The following MACROD2 variants were observed in gnomAD, a reference collection of about 807,000 sequenced individuals.
MACROD2 encodes mono-ADP ribosylhydrolase 2, also known as ADP-ribose glycohydrolase MACROD2.
A neutral mutation model predicts 70.4 loss-of-function variants in MACROD2; 36 were observed. The observed-to-expected ratio is 0.51, with a 90% confidence interval of 0.39 to 0.68. MACROD2 has a LOEUF of 0.68. Among genes scored for constraint, MACROD2 ranks in the 30% least tolerant of loss-of-function variants. The pLI is 0.00. For missense variants in MACROD2, 496 were observed against 538.4 expected, an observed-to-expected ratio of 0.92 and a Z score of 0.78; for synonymous variants, 172 against 178.8, an observed-to-expected ratio of 0.96 and a Z score of 0.30.
At chr20:16,002,103 T>G (rs2066717545) in intron 15 of MACROD2, among the ~76,000 whole-genome samples, 1 of 151,960 alleles carries the variant, frequency 6.6e-6, no homozygotes, top group African/African-American at 2.4e-5. Context: ...ATCTCCAAAG[T>G]CTACCTGTTT....
intron 8 of MACROD2, among the ~76,000 whole-genome samples, chr20:15,547,046 G>A (rs2048034967): frequency 6.6e-6 from 1 of 152,036 alleles, no homozygotes; most frequent in Non-Finnish European, 1.5e-5. Flanking sequence ...CTGTTGAATC[G>A]GAACCAAAGA....
chr20:15,817,778 A>G (rs79833400), intron 8 of MACROD2, among the ~76,000 whole-genome samples: 3,339 of 152,126 alleles, frequency 0.022, 132 homozygotes, highest in African/African-American at 0.075. Context: ...GTCCAGATGA[A>G]GGTTTTAAAT....
chr20:14,804,095 G>A (rs2072610566), intron 5 of MACROD2, among the ~76,000 whole-genome samples: 1 of 151,724 alleles, frequency 6.6e-6, no homozygotes, highest in Admixed American at 6.6e-5. Flanking sequence ...CTTTATGTGT[G>A]GTTTTCCATT....
At chr20:14,015,660 C>G (rs910263064) in intron 2 of MACROD2, among the ~76,000 whole-genome samples, 24 of 152,164 alleles carry the variant, frequency 1.6e-4, no homozygotes, top group African/African-American at 5.8e-4. Flanking sequence ...TCACCTGTCC[C>G]CTCTTATTCT....
At chr20:14,022,397 G>C (rs2053096730) in intron 2 of MACROD2, among the ~76,000 whole-genome samples, 1 of 149,322 alleles carries the variant, frequency 6.7e-6, no homozygotes, top group African/African-American at 2.5e-5. Context: ...GAAATAAATT[G>C]ATTAAATTAT....
At chr20:14,286,446 T>G (rs1778054695) in intron 3 of MACROD2, among the ~76,000 whole-genome samples, 1 of 152,164 alleles carries the variant, frequency 6.6e-6, no homozygotes, top group African/African-American at 2.4e-5. Flanking sequence ...TCTAAGATTC[T>G]TGAGTTGCTT....
At chr20:14,702,817 T>C (rs1236305524) in intron 5 of MACROD2, among the ~76,000 whole-genome samples, 1 of 151,052 alleles carries the variant, frequency 6.6e-6, no homozygotes, top group East Asian at 1.9e-4. Context: ...AACCTCTGCC[T>C]CCTGGGTTCA....
Position 15,461,008 on chromosome 20 carries a change from T to TATA in MACROD2, c.571+29573_571+29574insATA, listed in dbSNP as rs1568825308. 7.4e-5 allele frequency among the ~76,000 whole-genome samples: 5 copies of TATA among 67,666 alleles called. No homozygotes were observed. In the South Asian group the frequency reaches 1.4e-3, roughly 19 times the overall value. The allele number at this position is 67,666 out of a possible 152,430, so 44.4% of individuals were successfully genotyped here. A position where few individuals can be genotyped will look rare whatever the true frequency, so the allele number is the denominator to read the frequency against. ...TATATATATATATATATATATATAT[T>TATA]TTTTTTTAATAGATGGGGTCTTGCT... On this transcript the variant is annotated intron_variant, in intron 7 of 17. Transcript: ENST00000684519.
chr20:14,807,057 G>A (rs1329645195), intron 5 of MACROD2, among the ~76,000 whole-genome samples: 4 of 152,136 alleles, frequency 2.6e-5, no homozygotes, highest in Non-Finnish European at 5.9e-5. Context: ...TCTGAAGAGA[G>A]TAGCAGATCT....
intron 2 of MACROD2, among the ~76,000 whole-genome samples, chr20:14,078,098 C>T (rs1232419022): frequency 1.3e-5 from 2 of 151,934 alleles, no homozygotes; most frequent in African/African-American, 4.8e-5. Flanking sequence ...GACGGGGTTT[C>T]TCCATGTTGG....
chr20:14,675,531 C>A (rs530340325), intron 4 of MACROD2, among the ~76,000 whole-genome samples: 1 of 152,012 alleles, frequency 6.6e-6, no homozygotes, highest in Admixed American at 6.6e-5. Context: ...ACCAGGCCTG[C>A]GTTACAAGAG....
At chr20:14,688,461 T>C (rs1264829311) in intron 5 of MACROD2, among the ~76,000 whole-genome samples, 1 of 152,194 alleles carries the variant, frequency 6.6e-6, no homozygotes, top group Non-Finnish European at 1.5e-5. Flanking sequence ...TACTTTTCAC[T>C]GCTTGGATGT....
chr20:14,872,909 A>G (rs531607940), intron 5 of MACROD2, among the ~76,000 whole-genome samples: 1 of 152,232 alleles, frequency 6.6e-6, no homozygotes, highest in African/African-American at 2.4e-5. Context: ...GGCAGCAGGA[A>G]GGAGAATGAA....
At chr20:15,746,311 T>C (rs2051182121) in intron 8 of MACROD2, among the ~76,000 whole-genome samples, 1 of 152,122 alleles carries the variant, frequency 6.6e-6, no homozygotes, top group East Asian at 1.9e-4. Context: ...ATTTTCTAAA[T>C]ATCTGTTATT....
chr20:14,297,142 G>C (rs888902409), intron 3 of MACROD2, among the ~76,000 whole-genome samples: 3 of 151,724 alleles, frequency 2.0e-5, no homozygotes, highest in Admixed American at 2.0e-4. Context: ...TCTTCTTACT[G>C]CTCCACTGAC....
intron 3 of MACROD2, among the ~76,000 whole-genome samples, chr20:14,469,041 G>A (rs187891897): frequency 1.4e-4 from 21 of 152,140 alleles, no homozygotes; most frequent in Admixed American, 1.2e-3. Flanking sequence ...TTTACAATTC[G>A]GTATGTTTTT....
rs149722050 is a variant in MACROD2 at position 15,533,292 on chromosome 20, G to A, written c.645+33445G>A. Among the ~76,000 whole-genome samples the A allele has an allele frequency of 2.9e-3, 449 of 152,220 alleles. 1 individual carries two copies. The highest frequency in any genetic ancestry group is 4.5e-3 in the Non-Finnish European group (305 of 68,004). ...ACAATTTTGGTGGTCCCATTGTAGA[G>A]CAATCTTTTTAAGAGAATTGCAGAA... On this transcript the variant is annotated intron_variant, in intron 8 of 17. Coordinates refer to ENST00000684519, the MANE Select transcript of MACROD2 (RefSeq NM_001351661.2).
At chr20:15,868,385 G>A (rs2064523382) in intron 9 of MACROD2, among the ~76,000 whole-genome samples, 1 of 151,916 alleles carries the variant, frequency 6.6e-6, no homozygotes. Context: ...TACTCTCCAG[G>A]TCCTCCTGCC....
intron 3 of MACROD2, among the ~76,000 whole-genome samples, chr20:14,392,090 T>C (rs1023108181): frequency 1.3e-5 from 2 of 152,078 alleles, no homozygotes; most frequent in Non-Finnish European, 2.9e-5. Context: ...TGTTATTCTA[T>C]TCCCATAGAA....
Sources: gnomAD v4.1 joint callset for allele counts (sites outside exome capture counted in the v4.1 genomes callset) on GRCh38, gnomAD v4.1.1 for gene constraint, MANE v1.5 for transcripts, NCBI Gene and HGNC (gene_info 2026-07-23, HGNC 2026-07-21) for gene names.